ZBTB20: variants seen among roughly 807,000 people sequenced by gnomAD.
ZBTB20 encodes zinc finger and BTB domain-containing protein 20.
ZBTB20 carries 9 observed loss-of-function variants against 56.9 expected under a neutral mutation model. That is an observed-to-expected ratio of 0.16 (90% CI 0.10 to 0.28). ZBTB20 has a LOEUF of 0.28. ZBTB20 is among the 10% of genes least tolerant of loss of function. The pLI, the probability that ZBTB20 is intolerant of heterozygous loss-of-function variation, is 1.00. For synonymous variants in ZBTB20, 417 were observed against 420.7 expected (o/e 0.99, Z 0.11); for missense variants, 655 against 1,003.0 (o/e 0.65, Z 4.69).
At chr3:114,657,551 C>A (rs952498540) in intron 6 of ZBTB20, among the ~76,000 whole-genome samples, 1 of 152,324 alleles carries the variant, frequency 6.6e-6, no homozygotes, top group South Asian at 2.1e-4. Context: ...AGCCTTCCCT[C>A]GATGGCTCCA....
chr3:114,987,390 G>GA (rs1435934140), intron 2 of ZBTB20, among the ~76,000 whole-genome samples: 1 of 152,046 alleles, frequency 6.6e-6, no homozygotes, highest in Non-Finnish European at 1.5e-5. Flanking sequence ...TAAGACTGTT[G>GA]AATCTATCTG....
intron 4 of ZBTB20, among the ~76,000 whole-genome samples, chr3:114,852,201 G>A (rs1275322795): frequency 6.6e-6 from 1 of 151,128 alleles, no homozygotes; most frequent in Non-Finnish European, 1.5e-5. Flanking sequence ...CTCCTTATTT[G>A]TCTTATCACT....
At chr3:114,835,352 T>C (rs926317789) in intron 4 of ZBTB20, among the ~76,000 whole-genome samples, 8 of 152,198 alleles carry the variant, frequency 5.3e-5, no homozygotes, top group African/African-American at 1.9e-4. Context: ...AAGTATTCTA[T>C]TTATTTCCCA....
At chr3:114,557,388 C>T (rs2051376226) in intron 6 of ZBTB20, among the ~76,000 whole-genome samples, 1 of 151,876 alleles carries the variant, frequency 6.6e-6, no homozygotes, top group Admixed American at 6.6e-5. Flanking sequence ...AAAATACAAC[C>T]AACAATAACC....
intron 7 of ZBTB20, among the ~76,000 whole-genome samples, chr3:114,447,259 G>T (rs369313432): frequency 1.3e-5 from 2 of 152,024 alleles, no homozygotes; most frequent in African/African-American, 4.8e-5. Context: ...TTTTATTCAG[G>T]TACTCTAGAC....
intron 5 of ZBTB20, among the ~76,000 whole-genome samples, chr3:114,697,097 G>GAAAAAAAAAA (rs34992420): frequency 7.3e-6 from 1 of 137,342 alleles, no homozygotes; most frequent in Admixed American, 7.3e-5. Flanking sequence ...GAGAAAAAAA[G>GAAAAAAAAAA]AAAAAAAAAA....
At chr3:114,996,927 A>C (rs1479027503) in intron 2 of ZBTB20, among the ~76,000 whole-genome samples, 1 of 151,988 alleles carries the variant, frequency 6.6e-6, no homozygotes, top group African/African-American at 2.4e-5. Flanking sequence ...TCAAAACCAC[A>C]GTAAGATACC....
intron 1 of ZBTB20, among the ~76,000 whole-genome samples, chr3:115,110,243 G>C (rs1449743092): frequency 5.3e-5 from 8 of 151,782 alleles, no homozygotes; most frequent in African/African-American, 1.9e-4. Flanking sequence ...AATATTAATA[G>C]CAATCTGTCC....
intron 8 of ZBTB20, among the ~76,000 whole-genome samples, chr3:114,386,068 G>C (rs2085079669): frequency 6.6e-6 from 1 of 152,108 alleles, no homozygotes; most frequent in African/African-American, 2.4e-5. Flanking sequence ...TACACCATGA[G>C]CTCCTTGAAG....
At chr3:114,726,484 C>G (rs1346141068) in intron 5 of ZBTB20, among the ~76,000 whole-genome samples, 1 of 152,126 alleles carries the variant, frequency 6.6e-6, no homozygotes, top group Non-Finnish European at 1.5e-5. Context: ...AGTGCTTGTT[C>G]AAATACAAAT....
chr3:114,442,680 C>T (rs1326533649), intron 7 of ZBTB20, among the ~76,000 whole-genome samples: 1 of 152,168 alleles, frequency 6.6e-6, no homozygotes, highest in Admixed American at 6.5e-5. Flanking sequence ...TGAGCACACC[C>T]TGCTGTCAGT....
Position 114,812,493 on chromosome 3 carries a change from A to G in ZBTB20, c.-416-11319T>C, listed in dbSNP as rs532828037. ...ACAGAGTGCCGATTGGTGTATTTAC[A>G]ATCCCTGAGCTAGACATAGTTTCTC... On this transcript the variant is annotated intron_variant, in intron 4 of 11. Coordinates refer to ENST00000675478, the MANE Select transcript of ZBTB20 (RefSeq NM_001348800.3). Among the ~76,000 whole-genome samples, 17 of 152,224 alleles carry G rather than the reference A, an allele frequency of 1.1e-4. No homozygotes were observed. The South Asian group carries it at 1.5e-3, about 13-fold the overall frequency.
chr3:115,123,861 T>C (rs2084250471), intron 1 of ZBTB20, among the ~76,000 whole-genome samples: 1 of 152,198 alleles, frequency 6.6e-6, no homozygotes, highest in Non-Finnish European at 1.5e-5. Context: ...GTTTCTAAAC[T>C]ATCAAAAAGT....
At chr3:114,885,362 A>G (rs1436187339) in intron 4 of ZBTB20, among the ~76,000 whole-genome samples, 1 of 152,138 alleles carries the variant, frequency 6.6e-6, no homozygotes, top group Admixed American at 6.5e-5. Flanking sequence ...CTCAGAAAGG[A>G]CACCTACACC....
chr3:114,359,104 G>T (rs1403585254), intron 10 of ZBTB20, among the ~76,000 whole-genome samples: 8 of 151,644 alleles, frequency 5.3e-5, no homozygotes, highest in African/African-American at 1.7e-4. Flanking sequence ...TAGTTATATA[G>T]AAATACATTT....
intron 6 of ZBTB20, among the ~76,000 whole-genome samples, chr3:114,678,285 A>G (rs1418556613): frequency 6.6e-6 from 1 of 152,206 alleles, no homozygotes; most frequent in Non-Finnish European, 1.5e-5. Flanking sequence ...AACCAATATC[A>G]GCATCACTCT....
chr3:115,146,643 A>G (rs956832177), intron 1 of ZBTB20, among the ~76,000 whole-genome samples: 1 of 152,132 alleles, frequency 6.6e-6, no homozygotes, highest in Non-Finnish European at 1.5e-5. Context: ...AGAGACATCC[A>G]GCGGCTGTGG....
intron 6 of ZBTB20, among the ~76,000 whole-genome samples, chr3:114,585,080 C>T (rs375059950): frequency 6.6e-6 from 1 of 151,934 alleles, no homozygotes; most frequent in Non-Finnish European, 1.5e-5. Context: ...AGGCTGGGAC[C>T]CTCTGGACTA....
At chr3:115,093,640 TG>T (rs1048122051) in intron 1 of ZBTB20, among the ~76,000 whole-genome samples, 24 of 152,138 alleles carry the variant, frequency 1.6e-4, no homozygotes, top group African/African-American at 5.3e-4. Flanking sequence ...TGATGCTGTT[TG>T]GGGGCATGTT....
Sources: allele counts gnomAD v4.1 joint callset (sites outside exome capture counted in the v4.1 genomes callset), GRCh38; gene constraint gnomAD v4.1.1; transcripts MANE v1.5; gene names NCBI Gene and HGNC (gene_info 2026-07-23, HGNC 2026-07-21).